Variants in TNFRSF13C observed in about 807,000 individuals in gnomAD.
The protein encoded by TNFRSF13C is tumor necrosis factor receptor superfamily member 13C.
TNFRSF13C carries 7 observed loss-of-function variants against 12.1 expected under a neutral mutation model. The ratio of observed to expected loss-of-function variants is 0.58; its 90% CI spans 0.33 to 1.08. The LOEUF (loss-of-function observed/expected upper bound fraction) is 1.08. Ranked by LOEUF, TNFRSF13C falls within the 50% of genes least tolerant of loss-of-function variation. TNFRSF13C has a pLI of 0.04. For synonymous variants in TNFRSF13C, 157 were observed against 130.8 expected (o/e 1.20, Z -1.37); for missense variants, 260 against 265.9 (o/e 0.98, Z 0.15).
At position 41,926,684 on chromosome 22, in the gene TNFRSF13C, G is replaced by A; in HGVS notation, c.90C>T (p.Arg30=). 1.4e-6 allele frequency: 2 copies of A among 1,463,544 alleles called. No homozygotes were observed. The highest frequency in any genetic ancestry group is 1.8e-6 in the Non-Finnish European group (2 of 1,112,786). 90.7% of individuals were successfully genotyped at this position (1,463,544 alleles called of 1,614,324 possible). The change falls in exon 1 of 3, where the codon CGC becomes CGT. Residue 30 remains arginine (R), a synonymous_variant. Coordinates refer to ENST00000291232, the MANE Select transcript of TNFRSF13C (RefSeq NM_052945.4). The surrounding 1 kb of genome is among the most constrained non-coding windows in gnomAD (Gnocchi z 4.9). ...GCAGGAGCCCGCAGGCCACGCAGTG[G>A]CGGACCAGCAGGTCGAAGCACTCGG... is the stretch of plus-strand genomic sequence containing the variant. ...VPAECFDLLV[R]HCVACGLLRT... is the part of the protein sequence containing the mutation.
At position 41,926,765 on chromosome 22, in the gene TNFRSF13C, T is replaced by G; in HGVS notation, c.9A>C (p.Arg3=). The G allele has an allele frequency of 7.4e-7, 1 of 1,352,174 alleles. No homozygotes were observed. The highest frequency in any genetic ancestry group is 9.5e-7 in the Non-Finnish European group (1 of 1,055,112). 83.8% of individuals were successfully genotyped at this position (1,352,174 alleles called of 1,614,324 possible). ...CCCTGCCCCGCAGGCTCCGGGGCCC[T>G]CGCCTCATGGTGCCGACGCCGCCGC... MR[R]GPRSLRGRDA... Residue 3 remains arginine (R), a synonymous_variant, in exon 1 of 3, where the codon CGA becomes CGC. Transcript: ENST00000291232. The surrounding 1 kb of genome is among the most constrained non-coding windows in gnomAD (Gnocchi z 4.9).
chr22:41,925,522 A>G lies in TNFRSF13C; in HGVS notation c.400T>C (p.Ser134Pro). 6.2e-7 allele frequency: 1 copy of G among 1,613,284 alleles called. No homozygotes were observed. The highest frequency in any genetic ancestry group is 2.2e-5 in the East Asian group (1 of 44,860). The change falls in exon 3 of 3, where the codon TCT becomes CCT. Residue 134 changes from serine (S) to proline (P), a missense_variant. Physicochemically the swap from Ser to Pro is moderately conservative, Grantham distance 74 (BLOSUM62 -1). Transcript: ENST00000291232. ...GCTGTGGCATCAGAGATTCCCGGAG[A>G]CAGAATGATGACCTTGTCCAGGGGC... ...PEPLDKVIIL[S>P]PGISDATAPA...
At position 41,926,086 on chromosome 22, in the gene TNFRSF13C, A is replaced by G. The variant is rs1362252844; in HGVS notation, c.367+15T>C. On this transcript the variant is annotated intron_variant, in intron 2 of 2. Coordinates refer to ENST00000291232, the MANE Select transcript of TNFRSF13C (RefSeq NM_052945.4). The surrounding 1 kb of genome is among the most constrained non-coding windows in gnomAD (Gnocchi z 4.9). Reference sequence around the variant, plus strand: ...GCGCCCCGCTCAGACTGGTTCCCCTACACACGGAACTCACCGTCCTTGTCT... The same window carrying G: ...GCGCCCCGCTCAGACTGGTTCCCCTGCACACGGAACTCACCGTCCTTGTCT... 3.7e-6 allele frequency: 6 copies of G among 1,612,024 alleles called. No homozygotes were observed. The Admixed American group carries it at 8.3e-5, about 22-fold the overall frequency.
Position 41,922,833 on chromosome 22 carries a change from GA to G in TNFRSF13C, c.*2533del, listed in dbSNP as rs1841281587. 6.8e-6 allele frequency: 1 copy of G among 147,672 alleles called. No individual in the cohort carries two copies. Among genetic ancestry groups the G allele is most frequent in the Non-Finnish European group, 1.5e-5 (1 of 66,892 alleles). 9.1% of individuals were successfully genotyped at this position (147,672 alleles called of 1,614,324 possible). A position where few individuals can be genotyped will look rare whatever the true frequency, so the allele number is the denominator to read the frequency against. The stretch of plus-strand genomic sequence containing the variant: ...ATGGGGTGGGAGCTGGGGTGGCCAG[GA>G]AAAGATGGGGTGGGGCAGATGGGGT... On this transcript the variant is annotated 3_prime_UTR_variant, in exon 3 of 3. Transcript: ENST00000291232.
In TNFRSF13C at chr22:41,926,116, C is replaced by A. The variant is rs1222456799; in HGVS notation, c.352G>T (p.Asp118Tyr). ...LRGASSAEAP[D>Y]GDKDAPEPLD... ...CGGAACTCACCGTCCTTGTCTCCGT[C>A]GGGGGCCTCTGCGGAGGACGCGCCG... is the stretch of plus-strand genomic sequence containing the variant. Residue 118 changes from aspartate (D) to tyrosine (Y), a missense_variant, in exon 2 of 3, where the codon GAC becomes TAC. By Grantham distance (160) the Asp-to-Tyr change is radical. Coordinates refer to ENST00000291232, the MANE Select transcript of TNFRSF13C (RefSeq NM_052945.4). This position sits in a 1 kb window ranked among gnomAD's most constrained non-coding sequence, Gnocchi z 4.9. 6.2e-7 allele frequency: 1 copy of A among 1,612,460 alleles called. No individual in the cohort carries two copies.
rs760305071 is a variant in TNFRSF13C at position 41,925,546 on chromosome 22, G to A, written c.376C>T (p.Pro126Ser). The A allele has an allele frequency of 8.1e-6, 13 of 1,612,628 alleles. No homozygotes were observed. Among genetic ancestry groups the A allele is most frequent in the African/African-American group, 1.3e-5 (1 of 74,892 alleles). Residue 126 changes from proline to serine, a missense_variant, in exon 3 of 3, where the codon CCC becomes TCC. By Grantham distance (74) the Pro-to-Ser change is moderately conservative. Transcript: ENST00000291232. ...APDGDKDAPE[P>S]LDKVIILSPG... ...GACAGAATGATGACCTTGTCCAGGG[G>A]CTCTGGGGCTGCAGGCAGAGGGGGT...
rs200206184 is a variant in TNFRSF13C at position 41,926,083 on chromosome 22, C to T, written c.367+18G>A. 998 of 1,612,468 alleles carry T rather than the reference C, an allele frequency of 6.2e-4. 5 individuals carry two copies. Among genetic ancestry groups the T allele is most frequent in the Non-Finnish European group, 3.1e-5 (36 of 1,179,774 alleles). On this transcript the variant is annotated intron_variant, in intron 2 of 2. Coordinates refer to ENST00000291232, the MANE Select transcript of TNFRSF13C (RefSeq NM_052945.4). The surrounding 1 kb of genome is among the most constrained non-coding windows in gnomAD (Gnocchi z 4.9). The stretch of plus-strand genomic sequence containing the variant: ...CCTGCGCCCCGCTCAGACTGGTTCC[C>T]CTACACACGGAACTCACCGTCCTTG...
At chr22:41,925,605 C>A (rs760268771) in intron 2 of TNFRSF13C, 51 bp from the exon 3 acceptor site, 3 of 1,601,990 alleles carry the variant, frequency 1.9e-6, no homozygotes, top group South Asian at 1.1e-5. Context: ...CCTTCCCTCC[C>A]TCCCCTAGAA....
Position 41,925,463 on chromosome 22 carries a change from T to C in TNFRSF13C, c.459A>G (p.Gly153=), listed in dbSNP as rs1241626955. 1 of 1,612,886 alleles carries C rather than the reference T, an allele frequency of 6.2e-7. No individual in the cohort carries two copies. Among genetic ancestry groups the C allele is most frequent in the South Asian group, 1.1e-5 (1 of 91,070 alleles). The part of the protein sequence containing the change: ...PAWPPPGEDP[G]TTPPGHSVPV... ...GGACACTGTGGCCAGGTGGGGTGGT[T>C]CCTGGGTCTTCCCCAGGAGGAGGCC... Residue 153 remains glycine, a synonymous_variant, in exon 3 of 3, where the codon GGA becomes GGG. Transcript: ENST00000291232.
At position 41,926,544 on chromosome 22, in the gene TNFRSF13C, C is replaced by T. The variant is rs2077633218; in HGVS notation, c.136+94G>A. On this transcript the variant is annotated intron_variant, in intron 1 of 2. Transcript: ENST00000291232. The surrounding 1 kb of genome is among the most constrained non-coding windows in gnomAD (Gnocchi z 4.9). ...CACAGGGTCCTTTCAGCCCTCGGCG[C>T]CCCCGGGGGTCGGGGCTCTGCCTGC... 5 of 1,306,968 alleles carry T rather than the reference C, an allele frequency of 3.8e-6. No individual in the cohort carries two copies. Among genetic ancestry groups the T allele is most frequent in the African/African-American group, 1.6e-5 (1 of 64,264 alleles). 81.0% of individuals were successfully genotyped at this position (1,306,968 alleles called of 1,614,324 possible).
rs1465385257 is a variant in TNFRSF13C, at chr22:41,924,334, A to C, written c.*1033T>G. 3 of 151,642 alleles carry C rather than the reference A, an allele frequency of 2.0e-5. No homozygotes were observed. Among genetic ancestry groups the C allele is most frequent in the Non-Finnish European group, 4.4e-5 (3 of 67,940 alleles). The allele number at this position is 151,642 out of a possible 1,614,324, so 9.4% of individuals were successfully genotyped here. ...ACCCCGTCTCTACTAAAAATACAAAAAAAATTAGCCGGGCGTGATGGCGGG... is the reference window on the plus strand; with the variant it reads ...ACCCCGTCTCTACTAAAAATACAAACAAAATTAGCCGGGCGTGATGGCGGG... On this transcript the variant is annotated 3_prime_UTR_variant, in exon 3 of 3. Coordinates refer to ENST00000291232, the MANE Select transcript of TNFRSF13C (RefSeq NM_052945.4).
chr22:41,926,195 C>A lies in TNFRSF13C; in HGVS notation c.273G>T (p.Leu91=). The change falls in exon 2 of 3, where the codon CTG becomes CTT. Residue 91 remains leucine (L), a synonymous_variant. Coordinates refer to ENST00000291232, the MANE Select transcript of TNFRSF13C (RefSeq NM_052945.4). This position sits in a 1 kb window ranked among gnomAD's most constrained non-coding sequence, Gnocchi z 4.9. ...TCACCAGACCCACCAGGACCAGCGC[C>A]AGGACCAGTGCCAGGCCCAGCAGCG... The part of the protein sequence containing the change: ...APALLGLALV[L]ALVLVGLVSW... The A allele has an allele frequency of 6.2e-7, 1 of 1,608,710 alleles. No individual in the cohort carries two copies.
chr22:41,926,614 G>A lies in TNFRSF13C; in HGVS notation c.136+24C>T, dbSNP rs1456914538. On this transcript the variant is annotated intron_variant, in intron 1 of 2. Coordinates refer to ENST00000291232, the MANE Select transcript of TNFRSF13C (RefSeq NM_052945.4). The surrounding 1 kb of genome is among the most constrained non-coding windows in gnomAD (Gnocchi z 4.9). ...CGTTCTCCCCGCAGCTGCCGGCGCCGCGCGCCCCGTGGGTCCCCCTTACCC... is the reference window on the plus strand; with the variant it reads ...CGTTCTCCCCGCAGCTGCCGGCGCCACGCGCCCCGTGGGTCCCCCTTACCC... 8 of 1,420,020 alleles carry A rather than the reference G, an allele frequency of 5.6e-6. No individual in the cohort carries two copies. The highest frequency in any genetic ancestry group is 7.3e-6 in the Non-Finnish European group (8 of 1,090,128). 88.0% of individuals were successfully genotyped at this position (1,420,020 alleles called of 1,614,324 possible).
In TNFRSF13C at chr22:41,926,193, G is replaced by C; in HGVS notation, c.275C>G (p.Ala92Gly). ...GCTCACCAGACCCACCAGGACCAGC[G>C]CCAGGACCAGTGCCAGGCCCAGCAG... ...PALLGLALVL[A>G]LVLVGLVSWR... The change falls in exon 2 of 3, where the codon GCG becomes GGG. Residue 92 changes from alanine to glycine, a missense_variant. By Grantham distance (60) the Ala-to-Gly change is moderately conservative. Coordinates refer to ENST00000291232, the MANE Select transcript of TNFRSF13C (RefSeq NM_052945.4). This position sits in a 1 kb window ranked among gnomAD's most constrained non-coding sequence, Gnocchi z 4.9. 1 of 1,608,674 alleles carries C rather than the reference G, an allele frequency of 6.2e-7. No homozygotes were observed. Among genetic ancestry groups the C allele is most frequent in the Non-Finnish European group, 8.5e-7 (1 of 1,179,218 alleles).
chr22:41,925,347 C>T lies in TNFRSF13C; in HGVS notation c.*20G>A, dbSNP rs1289061207. The T allele has an allele frequency of 1.9e-6, 3 of 1,590,272 alleles. No individual in the cohort carries two copies. The highest frequency in any genetic ancestry group is 2.6e-6 in the Non-Finnish European group (3 of 1,171,904). ...GGGGGTCCAGAGGGAGGGCAGGGGC[C>T]ACCTCCTGCCGGCTCCCTGCTATTG... On this transcript the variant is annotated 3_prime_UTR_variant, in exon 3 of 3. Coordinates refer to ENST00000291232, the MANE Select transcript of TNFRSF13C (RefSeq NM_052945.4).
In TNFRSF13C at chr22:41,922,840, TG is replaced by T. The variant is rs1036032373; in HGVS notation, c.*2526del. 4.6e-5 allele frequency: 5 copies of T among 109,152 alleles called. No individual in the cohort carries two copies. The highest frequency in any genetic ancestry group is 7.5e-5 in the Non-Finnish European group (4 of 53,370). 6.8% of individuals were successfully genotyped at this position (109,152 alleles called of 1,614,324 possible). ...GGGAGCTGGGGTGGCCAGGAAAAGA[TG>T]GGGTGGGGCAGATGGGGTGGCCAGG... On this transcript the variant is annotated 3_prime_UTR_variant, in exon 3 of 3. Transcript: ENST00000291232.
chr22:41,925,627 A>G, intron 2 of TNFRSF13C, 73 bp from the exon 3 acceptor site: 3 of 1,573,350 alleles, frequency 1.9e-6, no homozygotes, highest in Admixed American at 1.7e-5. Context: ...ACTCCTCTGG[A>G]GGGGCAGTCC....
Position 41,926,197 on chromosome 22 carries a change from G to C in TNFRSF13C, c.271C>G (p.Leu91Val). Residue 91 changes from leucine to valine, a missense_variant, in exon 2 of 3, where the codon CTG (leucine) becomes GTG (valine). By Grantham distance (32) the Leu-to-Val change is conservative. Transcript: ENST00000291232. This position sits in a 1 kb window ranked among gnomAD's most constrained non-coding sequence, Gnocchi z 4.9. ...APALLGLALV[L>V]ALVLVGLVSW... The stretch of plus-strand genomic sequence containing the variant: ...ACCAGACCCACCAGGACCAGCGCCA[G>C]GACCAGTGCCAGGCCCAGCAGCGCG... The C allele has an allele frequency of 6.2e-7, 1 of 1,608,316 alleles. No homozygotes were observed. Among genetic ancestry groups the C allele is most frequent in the Non-Finnish European group, 8.5e-7 (1 of 1,179,226 alleles).
In TNFRSF13C at chr22:41,926,748, C is replaced by G; in HGVS notation, c.26G>C (p.Arg9Pro). 7.2e-7 allele frequency: 1 copy of G among 1,379,970 alleles called. No individual in the cohort carries two copies. The highest frequency in any genetic ancestry group is 1.5e-5 in the African/African-American group (1 of 66,012). 85.5% of individuals were successfully genotyped at this position (1,379,970 alleles called of 1,614,324 possible). A position where few individuals can be genotyped will look rare whatever the true frequency, so the allele number is the denominator to read the frequency against. The change falls in exon 1 of 3, where the codon CGG becomes CCG. Residue 9 changes from arginine (R) to proline (P), a missense_variant. Coordinates refer to ENST00000291232, the MANE Select transcript of TNFRSF13C (RefSeq NM_052945.4). This position sits in a 1 kb window ranked among gnomAD's most constrained non-coding sequence, Gnocchi z 4.9. ...CGTGGGGGCTGGCGCGTCCCTGCCC[C>G]GCAGGCTCCGGGGCCCTCGCCTCAT... Reference protein sequence around the residue: MRRGPRSLRGRDAPAPTPC... With the variant: MRRGPRSLPGRDAPAPTPC...
Sources: allele counts gnomAD v4.1 joint callset, GRCh38; gene constraint gnomAD v4.1.1; non-coding constraint Gnocchi (gnomAD v3.1); transcripts MANE v1.5; gene names NCBI Gene and HGNC (gene_info 2026-07-23, HGNC 2026-07-21).